DNAJC1: variants seen among roughly 807,000 people sequenced by gnomAD.
The protein encoded by DNAJC1 is dnaJ homolog subfamily C member 1.
DNAJC1 carries 58 observed loss-of-function variants against 76.6 expected under a neutral mutation model. The ratio of observed to expected loss-of-function variants is 0.76; its 90% CI spans 0.61 to 0.94. The LOEUF is 0.94. DNAJC1 is among the 40% of genes least tolerant of loss of function. The pLI is 0.00. For missense variants in DNAJC1, 689 were observed against 677.3 expected (o/e 1.02, Z -0.19); for synonymous variants, 258 against 267.9 (o/e 0.96, Z 0.36).
chr10:21,897,506 C>T (rs151000989), intron 7 of DNAJC1, among the ~76,000 whole-genome samples: 11 of 152,236 alleles, frequency 7.2e-5, no homozygotes, highest in Non-Finnish European at 1.2e-4. Flanking sequence ...GGAACCAGAC[C>T]GCCTAGCAGG....
intron 8 of DNAJC1, among the ~76,000 whole-genome samples, chr10:21,817,157 C>T (rs1476225997): frequency 1.9e-5 from 1 of 53,204 alleles, no homozygotes; most frequent in Non-Finnish European, 3.2e-5. Flanking sequence ...GAGATTCCGT[C>T]TCAAAAAAAA....
chr10:21,870,517 T>C (rs1314254992), intron 8 of DNAJC1, among the ~76,000 whole-genome samples: 1 of 152,150 alleles, frequency 6.6e-6, no homozygotes, highest in Admixed American at 6.5e-5. Flanking sequence ...CTCATGCCTG[T>C]AATCCCAACA....
chr10:21,851,145 T>C (rs1564807766), intron 8 of DNAJC1, among the ~76,000 whole-genome samples: 1 of 152,130 alleles, frequency 6.6e-6, no homozygotes, highest in Non-Finnish European at 1.5e-5. Context: ...GTCAATCAAT[T>C]GGACTTCATC....
chr10:21,926,005 T>A (rs938415135), intron 3 of DNAJC1, among the ~76,000 whole-genome samples: 1 of 152,266 alleles, frequency 6.6e-6, no homozygotes, highest in Non-Finnish European at 1.5e-5. Flanking sequence ...GGTCTTGCTG[T>A]GTCGCCCAGG....
In DNAJC1 at chr10:21,960,482, T is replaced by C. The variant is rs541812451; in HGVS notation, c.223-31341A>G. Among the ~76,000 whole-genome samples the C allele has an allele frequency of 2.0e-5, 3 of 152,192 alleles. No individual in the cohort carries two copies. The East Asian group carries it at 5.8e-4, about 29-fold the overall frequency. ...ATCACAGCACTTTAGGAGACTGAGA[T>C]AGGAGCATTACTTGAGCCCAGGAGT... On this transcript the variant is annotated intron_variant, in intron 1 of 11. Coordinates refer to ENST00000376980, the MANE Select transcript of DNAJC1 (RefSeq NM_022365.4).
At chr10:21,800,368 C>G (rs1236819107) in intron 9 of DNAJC1, among the ~76,000 whole-genome samples, 2 of 152,076 alleles carry the variant, frequency 1.3e-5, no homozygotes, top group South Asian at 2.1e-4. Context: ...ATTTCAGAGC[C>G]CTCAGAGGCT....
At chr10:21,938,666 C>T (rs1347794339) in intron 1 of DNAJC1, among the ~76,000 whole-genome samples, 1 of 152,160 alleles carries the variant, frequency 6.6e-6, no homozygotes, top group Non-Finnish European at 1.5e-5. Flanking sequence ...GTAGTGGCTG[C>T]TTTTGGCCCA....
intron 7 of DNAJC1, among the ~76,000 whole-genome samples, chr10:21,893,564 T>C (rs1231284171): frequency 1.3e-5 from 2 of 149,636 alleles, no homozygotes; most frequent in Non-Finnish European, 3.0e-5. Flanking sequence ...GGGGCGGAGG[T>C]TGCAGTGAGC....
intron 8 of DNAJC1, among the ~76,000 whole-genome samples, chr10:21,826,660 AT>A (rs571751963): frequency 6.6e-6 from 1 of 152,086 alleles, no homozygotes; most frequent in African/African-American, 2.4e-5. Flanking sequence ...TCTTTGACCC[AT>A]TTTTGTAAAT....
At chr10:21,979,260 T>G (rs1590077110) in intron 1 of DNAJC1, among the ~76,000 whole-genome samples, 4 of 152,066 alleles carry the variant, frequency 2.6e-5, no homozygotes, top group Admixed American at 2.0e-4. Context: ...TGTAAAGCTA[T>G]CTGATCAATC....
At chr10:21,924,405 CAA>C (rs1246351909) in intron 3 of DNAJC1, among the ~76,000 whole-genome samples, 2 of 152,014 alleles carry the variant, frequency 1.3e-5, no homozygotes, top group East Asian at 3.9e-4. Flanking sequence ...ATGAAACAGA[CAA>C]AAAATTTTAA....
chr10:21,962,242 C>T (rs1281883760), intron 1 of DNAJC1, among the ~76,000 whole-genome samples: 1 of 151,918 alleles, frequency 6.6e-6, no homozygotes, highest in Non-Finnish European at 1.5e-5. Context: ...ATGCTGTGCC[C>T]CTAAAACAGT....
intron 9 of DNAJC1, 64 bp downstream of exon 9, chr10:21,805,916 C>T: frequency 1.3e-6 from 2 of 1,595,336 alleles, no homozygotes; most frequent in Non-Finnish European, 1.7e-6. Flanking sequence ...TCTATGTCTG[C>T]CTTCTACATA....
intron 8 of DNAJC1, among the ~76,000 whole-genome samples, chr10:21,865,062 A>C (rs929127067): frequency 2.0e-5 from 3 of 152,194 alleles, no homozygotes; most frequent in Non-Finnish European, 2.9e-5. Flanking sequence ...GAGGGTGATG[A>C]TAAAAAGTGT....
Position 21,759,279 on chromosome 10 carries a change from G to T in DNAJC1, c.1487C>A (p.Pro496Gln). The T allele has an allele frequency of 1.2e-6, 2 of 1,614,194 alleles. No individual in the cohort carries two copies. Among genetic ancestry groups the T allele is most frequent in the South Asian group, 1.1e-5 (1 of 91,080 alleles). ...AAGTTTCTGTTGATTTTGAGTCCAC[G>T]GCTCCTCTGCAGACCGAGCTCTCTC... ...RKERARSAEE[P>Q]WTQNQQKLLE... The change falls in exon 11 of 12, where the codon CCG (proline) becomes CAG (glutamine). Residue 496 changes from proline to glutamine, a missense_variant. Transcript: ENST00000376980.
chr10:21,782,712 T>C (rs567737318), intron 9 of DNAJC1, among the ~76,000 whole-genome samples: 3 of 152,186 alleles, frequency 2.0e-5, no homozygotes, highest in Non-Finnish European at 4.4e-5. Flanking sequence ...CATGATCAAG[T>C]GGGCTTCATC....
intron 6 of DNAJC1, among the ~76,000 whole-genome samples, chr10:21,911,074 AGGAAGGAAGGAAGGCG>A (rs1233431725): frequency 8.5e-5 from 12 of 141,400 alleles, no homozygotes; most frequent in Non-Finnish European, 1.4e-4. Flanking sequence ...GAAGGAAGGA[AGGAAGGAAGGAAGGCG>A]GGAAGGCGGG....
intron 6 of DNAJC1, among the ~76,000 whole-genome samples, chr10:21,917,204 G>C (rs138015949): frequency 0.023 from 3,427 of 152,064 alleles, 66 homozygotes; most frequent in Middle Eastern, 0.071. Flanking sequence ...ACAAATTTAT[G>C]ATGAGGCAAA....
At chr10:21,830,049 A>ATT (rs1470954925) in intron 8 of DNAJC1, among the ~76,000 whole-genome samples, 1 of 152,112 alleles carries the variant, frequency 6.6e-6, no homozygotes, top group African/African-American at 2.4e-5. Flanking sequence ...AATGTTTCTG[A>ATT]TTTTTTTCTC....
Sources: allele counts gnomAD v4.1 joint callset (sites outside exome capture counted in the v4.1 genomes callset), GRCh38; gene constraint gnomAD v4.1.1; transcripts MANE v1.5; gene names NCBI Gene and HGNC (gene_info 2026-07-23, HGNC 2026-07-21).